PRORP: variants seen among roughly 807,000 people sequenced by gnomAD.
PRORP encodes mitochondrial ribonuclease P catalytic subunit.
Under a neutral mutation model 59.4 loss-of-function variants are expected in PRORP, and 51 were observed. That is an observed-to-expected ratio of 0.86 (90% confidence interval 0.69 to 1.08). The LOEUF is 1.08. Among genes scored for constraint, PRORP ranks in the 50% least tolerant of loss-of-function variants. PRORP has a pLI of 0.00. For synonymous variants in PRORP, 231 were observed against 245.6 expected, an observed-to-expected ratio of 0.94 and a Z score of 0.55; for missense variants, 646 against 690.3, an observed-to-expected ratio of 0.94 and a Z score of 0.72.
chr14:35,195,283 A>G (rs1236075657), intron 5 of PRORP, among the ~76,000 whole-genome samples: 2 of 152,144 alleles, frequency 1.3e-5, no homozygotes, highest in East Asian at 3.8e-4. Flanking sequence ...AAGATACATA[A>G]TTTTCATTGT....
intron 5 of PRORP, among the ~76,000 whole-genome samples, chr14:35,227,434 ACT>A (rs1270022781): frequency 6.6e-6 from 1 of 151,208 alleles, no homozygotes; most frequent in East Asian, 2.0e-4. Flanking sequence ...ACAGAGCGAG[ACT>A]CTGTCTCAAA....
chr14:35,263,591 G>A (rs2050962089), intron 5 of PRORP, among the ~76,000 whole-genome samples: 1 of 152,148 alleles, frequency 6.6e-6, no homozygotes, highest in Non-Finnish European at 1.5e-5. Context: ...AGGAGGCTGA[G>A]GTAGGAGAAT....
chr14:35,215,455 T>TA (rs1355743396), intron 5 of PRORP, among the ~76,000 whole-genome samples: 1 of 151,860 alleles, frequency 6.6e-6, no homozygotes, highest in Non-Finnish European at 1.5e-5. Flanking sequence ...AAGAAAAAAA[T>TA]AAAAAATACA....
chr14:35,233,730 A>G (rs1418047193), intron 5 of PRORP, among the ~76,000 whole-genome samples: 2 of 152,094 alleles, frequency 1.3e-5, no homozygotes, highest in Non-Finnish European at 1.5e-5. Context: ...CCCTGCACAG[A>G]AAAACTATGT....
intron 7 of PRORP, among the ~76,000 whole-genome samples, chr14:35,271,156 CTTTTTTTT>C (rs762721923): frequency 1.7e-5 from 2 of 114,562 alleles, no homozygotes; most frequent in African/African-American, 3.4e-5. Flanking sequence ...ATTATGACTT[CTTTTTTTT>C]TTTTTTTTTT....
At chr14:35,160,740 C>G (rs1384526312) in intron 4 of PRORP, among the ~76,000 whole-genome samples, 1 of 152,154 alleles carries the variant, frequency 6.6e-6, no homozygotes, top group Non-Finnish European at 1.5e-5. Flanking sequence ...TTAATTTGGT[C>G]TTTCTGTCTG....
intron 5 of PRORP, among the ~76,000 whole-genome samples, chr14:35,261,723 T>C (rs28736779): frequency 0.26 from 39,730 of 151,606 alleles, 6,896 homozygotes; most frequent in African/African-American, 0.49. Context: ...AGCGAGACTC[T>C]GTCTCAAAAA....
chr14:35,197,073 TCTTTGAACAGCATTAAAAACACTGTGTTG>T (rs1278440030), intron 5 of PRORP, among the ~76,000 whole-genome samples: 9 of 152,246 alleles, frequency 5.9e-5, no homozygotes, highest in Non-Finnish European at 2.9e-5. Context: ...TGATCCAGTG[TCTTTGAACAGCATTAAAAACACTGTGTTG>T]CCAAGCTCCC....
At chr14:35,203,303 T>A (rs2049204605) in intron 5 of PRORP, among the ~76,000 whole-genome samples, 2 of 152,146 alleles carry the variant, frequency 1.3e-5, no homozygotes, top group Non-Finnish European at 2.9e-5. Context: ...ATTGCAATGA[T>A]CACTTTAGCA....
rs2051301884 is a variant in PRORP at position 35,276,895 on chromosome 14, C to G, written c.*3329C>G. On this transcript the variant is annotated 3_prime_UTR_variant, in exon 8 of 8. Coordinates refer to ENST00000534898, the MANE Select transcript of PRORP (RefSeq NM_014672.4). ...CTCAAGGAAGAAGGCTGAGTTTATTCTCTCAGGGCTCTGTTGGGTCTACCT... is the reference window on the plus strand; with the variant it reads ...CTCAAGGAAGAAGGCTGAGTTTATTGTCTCAGGGCTCTGTTGGGTCTACCT... 6.6e-6 allele frequency: 1 copy of G among 152,200 alleles called. No individual in the cohort carries two copies. Among genetic ancestry groups the G allele is most frequent in the African/African-American group, 2.4e-5 (1 of 41,454 alleles). 9.4% of individuals were successfully genotyped at this position (152,200 alleles called of 1,614,324 possible). A position where few individuals can be genotyped will look rare whatever the true frequency, so the allele number is the denominator to read the frequency against.
At chr14:35,186,459 C>T (rs1165681035) in intron 5 of PRORP, among the ~76,000 whole-genome samples, 1 of 151,906 alleles carries the variant, frequency 6.6e-6, no homozygotes, top group Non-Finnish European at 1.5e-5. Flanking sequence ...CAATCATCAC[C>T]ACTATCCTAT....
chr14:35,163,269 A>T (rs1433383290), intron 4 of PRORP, among the ~76,000 whole-genome samples: 3 of 152,006 alleles, frequency 2.0e-5, no homozygotes, highest in Admixed American at 1.3e-4. Flanking sequence ...ACATTTATAA[A>T]TGAAAAAAAA....
chr14:35,264,882 C>T (rs898528609), intron 5 of PRORP, among the ~76,000 whole-genome samples: 5 of 152,182 alleles, frequency 3.3e-5, no homozygotes, highest in Admixed American at 1.3e-4. Flanking sequence ...GGAAGTGCCA[C>T]CACTTGTGTG....
Position 35,273,433 on chromosome 14 carries a change from AG to A in PRORP, c.1621-1del. Reference sequence around the variant, plus strand: ...TGTTTTGTTCTCTTTTTAATTCAACAGCGTATTCTCAGCTATGACACAGTGG... The same window carrying A: ...TGTTTTGTTCTCTTTTTAATTCAACACGTATTCTCAGCTATGACACAGTGG... On this transcript the variant is annotated splice_acceptor_variant, in intron 7 of 7. Coordinates refer to ENST00000534898, the MANE Select transcript of PRORP (RefSeq NM_014672.4). LOFTEE classifies it high-confidence loss of function. 1 of 1,602,592 alleles carries A rather than the reference AG, an allele frequency of 6.2e-7. No individual in the cohort carries two copies. The highest frequency in any genetic ancestry group is 8.5e-7 in the Non-Finnish European group (1 of 1,175,916).
At chr14:35,192,734 C>G (rs768651953) in intron 5 of PRORP, among the ~76,000 whole-genome samples, 1 of 152,204 alleles carries the variant, frequency 6.6e-6, no homozygotes, top group South Asian at 2.1e-4. Context: ...CACACCTGTA[C>G]TGTAATCCCA....
chr14:35,251,977 T>C (rs889930768), intron 5 of PRORP, among the ~76,000 whole-genome samples: 2 of 152,090 alleles, frequency 1.3e-5, no homozygotes, highest in African/African-American at 4.8e-5. Flanking sequence ...TGGACCAGAA[T>C]ACAAAACCAT....
At chr14:35,205,944 A>G (rs187126255) in intron 5 of PRORP, among the ~76,000 whole-genome samples, 98 of 152,224 alleles carry the variant, frequency 6.4e-4, no homozygotes, top group Middle Eastern at 6.8e-3. Context: ...TCTCTCTAAG[A>G]AGCTTACTAT....
intron 4 of PRORP, among the ~76,000 whole-genome samples, chr14:35,130,520 C>A (rs145202286): frequency 6.6e-6 from 1 of 150,550 alleles, no homozygotes; most frequent in Non-Finnish European, 1.5e-5. Context: ...CTCACTCTGT[C>A]GCCCAGGTTG....
In PRORP at chr14:35,274,693, C is replaced by G. The variant is rs992520085; in HGVS notation, c.*1127C>G. 6.6e-6 allele frequency: 1 copy of G among 152,262 alleles called. No homozygotes were observed. Among genetic ancestry groups the G allele is most frequent in the Non-Finnish European group, 1.5e-5 (1 of 68,026 alleles). The allele number at this position is 152,262 out of a possible 1,614,324, so 9.4% of individuals were successfully genotyped here. A position where few individuals can be genotyped will look rare whatever the true frequency, so the allele number is the denominator to read the frequency against. ...AATTGCAGACTTGAGCCACAGTGCC[C>G]AGCCTCACTTCTCTAGACTATGATG... is the stretch of plus-strand genomic sequence containing the variant. On this transcript the variant is annotated 3_prime_UTR_variant, in exon 8 of 8. Coordinates refer to ENST00000534898, the MANE Select transcript of PRORP (RefSeq NM_014672.4).
Sources: allele counts gnomAD v4.1 joint callset (sites outside exome capture counted in the v4.1 genomes callset), GRCh38; gene constraint gnomAD v4.1.1; transcripts MANE v1.5; gene names NCBI Gene and HGNC (gene_info 2026-07-23, HGNC 2026-07-21).